LAMA3: variants seen among roughly 807,000 people sequenced by gnomAD.
LAMA3 encodes the protein laminin subunit alpha 3, also known as laminin subunit alpha-3.
In LAMA3, 281 loss-of-function variants were observed where a neutral mutation model predicts 402.0. That is an observed-to-expected ratio of 0.70 (90% confidence interval 0.63 to 0.77). LAMA3 has a LOEUF of 0.77. Ranked by LOEUF, LAMA3 falls within the 30% of genes least tolerant of loss-of-function variation. LAMA3 has a pLI of 0.00. For synonymous variants in LAMA3, 1,431 were observed against 1,558.4 expected (o/e 0.92, Z 1.93); for missense variants, 3,840 against 4,215.5 (o/e 0.91, Z 2.47).
rs761250003 is a variant in LAMA3 at position 23,918,183 on chromosome 18, C to T, written c.7923+1488C>T. On this transcript the variant is annotated intron_variant, in intron 60 of 74. Transcript: ENST00000313654. This position sits in a 1 kb window ranked among gnomAD's most constrained non-coding sequence, Gnocchi z 4.1. The stretch of plus-strand genomic sequence containing the variant: ...CATTGCTTGTTTTTGTTGACTTTGT[C>T]GAAGATCAGATGGTTGTAGGCGTGT... Among the ~76,000 whole-genome samples the T allele has an allele frequency of 3.9e-5, 6 of 152,040 alleles. No homozygotes were observed. Among genetic ancestry groups the T allele is most frequent in the South Asian group, 2.1e-4 (1 of 4,814 alleles).
chr18:23,938,257 C>A (rs1017003337), intron 67 of LAMA3, among the ~76,000 whole-genome samples: 2 of 152,134 alleles, frequency 1.3e-5, no homozygotes, highest in African/African-American at 4.8e-5. Flanking sequence ...CTGAACCAAC[C>A]CCTAGTACGG....
At chr18:23,725,311 G>C (rs540503590) in intron 2 of LAMA3, among the ~76,000 whole-genome samples, 1 of 152,098 alleles carries the variant, frequency 6.6e-6, no homozygotes, top group African/African-American at 2.4e-5. Flanking sequence ...GGGTTCCACC[G>C]TGTTGGTCAG....
intron 37 of LAMA3, 57 bp from the exon 38 acceptor site, chr18:23,871,374 A>G: frequency 7.0e-7 from 1 of 1,420,052 alleles, no homozygotes; most frequent in Admixed American, 1.7e-5. Flanking sequence ...GCCTCTAAGG[A>G]ACCCCTGGAA....
chr18:23,712,367 AAAAC>A (rs2061007753), intron 1 of LAMA3, among the ~76,000 whole-genome samples: 2 of 142,218 alleles, frequency 1.4e-5, no homozygotes, highest in Non-Finnish European at 3.1e-5. Flanking sequence ...CAACAAGAGT[AAAAC>A]TCCGTCTCAA....
rs563973006 is a variant in LAMA3, at chr18:23,734,156, A to G, written c.448-13787A>G. ...CACTGATTTCCAACTTAGCCAGGAC[A>G]GTGGGGCCAAACTGGTATGCAGTGG... On this transcript the variant is annotated intron_variant, in intron 2 of 74. Transcript: ENST00000313654. Among the ~76,000 whole-genome samples, 5 of 152,358 alleles carry G rather than the reference A, an allele frequency of 3.3e-5. No individual in the cohort carries two copies. The East Asian group carries it at 9.6e-4, about 29-fold the overall frequency.
intron 33 of LAMA3, among the ~76,000 whole-genome samples, chr18:23,858,364 A>G (rs1021150918): frequency 1.3e-5 from 2 of 152,094 alleles, no homozygotes; most frequent in African/African-American, 2.4e-5. Context: ...AGACCTTCCA[A>G]TTCCCAGGAG....
rs781573494 is a variant in LAMA3 at position 23,784,117 on chromosome 18, T to C, written c.1563T>C (p.Asp521=). The C allele has an allele frequency of 6.2e-7, 1 of 1,614,146 alleles. No individual in the cohort carries two copies. Among genetic ancestry groups the C allele is most frequent in the Non-Finnish European group, 8.5e-7 (1 of 1,180,010 alleles). ...CTGGGGTTGAGGGCCCTCGATGTGA[T>C]ACCTGCCGCTCTGGTTTCTACTCAT... ...CRPGVEGPRC[D]TCRSGFYSFP... is the part of the protein sequence containing the mutation. Residue 521 remains aspartate (D), a synonymous_variant, in exon 12 of 75, where the codon GAT becomes GAC. Transcript: ENST00000313654.
Position 23,898,038 on chromosome 18 carries a change from T to A in LAMA3, c.5614-700T>A, listed in dbSNP as rs1341873023. On this transcript the variant is annotated intron_variant, in intron 44 of 74. Coordinates refer to ENST00000313654, the MANE Select transcript of LAMA3 (RefSeq NM_198129.4). ...TGACATACATATTGAGGTAATAATA[T>A]CATTTTTTCCTATAAACTTTTTCAA... Among the ~76,000 whole-genome samples, 12 of 152,148 alleles carry A rather than the reference T, an allele frequency of 7.9e-5. No homozygotes were observed. In the East Asian group the frequency reaches 2.1e-3, roughly 27 times the overall value.
chr18:23,858,298 G>C (rs1457479346), intron 33 of LAMA3, among the ~76,000 whole-genome samples: 1 of 152,088 alleles, frequency 6.6e-6, no homozygotes, highest in Admixed American at 6.5e-5. Context: ...ACCCATTCCT[G>C]GACCATGGAC....
At position 23,912,829 on chromosome 18, in the gene LAMA3, G is replaced by A; in HGVS notation, c.7277G>A (p.Arg2426Lys). The change falls in exon 56 of 75, where the codon AGA (arginine) becomes AAA (lysine). Residue 2426 changes from arginine (R) to lysine (K), a missense_variant. Transcript: ENST00000313654. ...LSLFLQRPNS[R>K]ENGGTENMFV... ...TTGTTTCTCCAAAGGCCCAACTCAA[G>A]AGAAAATGGGGGTACTGAGAATATG... The A allele has an allele frequency of 8.1e-6, 13 of 1,614,060 alleles. No homozygotes were observed. The highest frequency in any genetic ancestry group is 1.1e-5 in the Non-Finnish European group (13 of 1,179,880).
chr18:23,718,386 C>T (rs964438755), intron 2 of LAMA3, among the ~76,000 whole-genome samples: 7 of 151,958 alleles, frequency 4.6e-5, no homozygotes, highest in Admixed American at 2.6e-4. Flanking sequence ...CAGAGCAAGC[C>T]TGACTCATTG....
intron 1 of LAMA3, among the ~76,000 whole-genome samples, chr18:23,699,559 G>C (rs1342313573): frequency 6.6e-6 from 1 of 152,152 alleles, no homozygotes; most frequent in Non-Finnish European, 1.5e-5. Flanking sequence ...AGTAGTTGAT[G>C]GTTGATTGTG....
At chr18:23,914,344 T>C in intron 56 of LAMA3, 66 bp from the exon 57 acceptor site, 1 of 1,568,154 alleles carries the variant, frequency 6.4e-7, no homozygotes, top group Non-Finnish European at 8.8e-7. Context: ...TGCATCCTCA[T>C]CCTCTTGGGA....
chr18:23,780,556 G>A (rs1297214512), intron 11 of LAMA3, among the ~76,000 whole-genome samples: 3 of 152,076 alleles, frequency 2.0e-5, no homozygotes, highest in Non-Finnish European at 2.9e-5. Flanking sequence ...GAAGTTCAAG[G>A]AGAGGACCTA....
In LAMA3 at chr18:23,727,262, T is replaced by C. The variant is rs551308593; in HGVS notation, c.447+13190T>C. ...CAGATATCAGCTTACTCTTTTAAAT[T>C]GTTTTAAGGCTTTCTAAATGCTGAC... is the stretch of plus-strand genomic sequence containing the variant. On this transcript the variant is annotated intron_variant, in intron 2 of 74. Coordinates refer to ENST00000313654, the MANE Select transcript of LAMA3 (RefSeq NM_198129.4). 7.9e-5 allele frequency among the ~76,000 whole-genome samples: 12 copies of C among 152,342 alleles called. No homozygotes were observed. The South Asian group carries it at 8.3e-4, about 11-fold the overall frequency.
chr18:23,873,095 C>G (rs762888750), intron 38 of LAMA3: 1 of 1,614,208 alleles, frequency 6.2e-7, no homozygotes, highest in Non-Finnish European at 8.5e-7. Flanking sequence ...GGCTGTGGAT[C>G]TTTGGGGCAG....
At chr18:23,690,010 G>GGGAAGGAAAAGGCGCGC in intron 1 of LAMA3, 33 bp downstream of exon 1, 1 of 1,379,650 alleles carries the variant, frequency 7.2e-7, no homozygotes, top group Non-Finnish European at 9.5e-7. Context: ...GGGTGGGCGC[G>GGGAAGGAAAAGGCGCGC]CCTTTTCCTT....
In LAMA3 at chr18:23,905,525, G is replaced by A. The variant is rs1397086831; in HGVS notation, c.6619G>A (p.Val2207Met). 6.3e-7 allele frequency: 1 copy of A among 1,578,608 alleles called. No individual in the cohort carries two copies. ...CTGTTAAATGCTTTGCTTTCAGACA[G>A]TGATAAAGGAAGATCTGCCAAGAAA... Reference protein sequence around the residue: ...ASASESALQTVIKEDLPRKAK... With the variant: ...ASASESALQTMIKEDLPRKAK... The change falls in exon 52 of 75, where the codon GTG becomes ATG. Residue 2207 changes from valine to methionine, a missense_variant. Physicochemically the swap from Val to Met is conservative, Grantham distance 21. Transcript: ENST00000313654.
At chr18:23,948,945 A>G (rs939447903) in intron 70 of LAMA3, among the ~76,000 whole-genome samples, 1 of 152,214 alleles carries the variant, frequency 6.6e-6, no homozygotes, top group Non-Finnish European at 1.5e-5. Flanking sequence ...AAAGGCATTC[A>G]TTCTAGAAGG....
Sources: allele counts gnomAD v4.1 joint callset (sites outside exome capture counted in the v4.1 genomes callset), GRCh38; gene constraint gnomAD v4.1.1; non-coding constraint Gnocchi (gnomAD v3.1); transcripts MANE v1.5; gene names NCBI Gene and HGNC (gene_info 2026-07-23, HGNC 2026-07-21).